COL4A1: variants seen among roughly 807,000 people sequenced by gnomAD.
COL4A1 encodes the protein collagen alpha-1(IV) chain.
A neutral mutation model predicts 216.6 loss-of-function variants in COL4A1; 40 were observed. That is an observed-to-expected ratio of 0.18 (90% CI 0.14 to 0.24). The LOEUF is 0.24. Among genes scored for constraint, COL4A1 ranks in the 10% least tolerant of loss-of-function variants. The probability of loss-of-function intolerance (pLI) is 1.00; values close to 1 mark genes in which losing one functional copy is unlikely to be tolerated. For missense variants in COL4A1, 1,628 were observed against 2,196.8 expected, an observed-to-expected ratio of 0.74 and a Z score of 5.18; for synonymous variants, 839 against 810.7, an observed-to-expected ratio of 1.03 and a Z score of -0.59.
At chr13:110,215,888 C>T (rs1207532190) in intron 2 of COL4A1, among the ~76,000 whole-genome samples, 1 of 152,320 alleles carries the variant, frequency 6.6e-6, no homozygotes, top group African/African-American at 2.4e-5. Flanking sequence ...TAACTGCCTG[C>T]TCCATTTTTA....
At chr13:110,224,213 G>C (rs368926011) in intron 2 of COL4A1, among the ~76,000 whole-genome samples, 1 of 145,712 alleles carries the variant, frequency 6.9e-6, no homozygotes, top group African/African-American at 2.5e-5. Context: ...ACAATTCTAG[G>C]TCATGACTTA....
chr13:110,234,485 G>C (rs1449319600), intron 2 of COL4A1, among the ~76,000 whole-genome samples: 1 of 152,150 alleles, frequency 6.6e-6, no homozygotes, highest in African/African-American at 2.4e-5. Flanking sequence ...GGGAGGCTGA[G>C]GCGTGAGAAT....
intron 46 of COL4A1, among the ~76,000 whole-genome samples, chr13:110,163,895 T>A (rs978562682): frequency 6.6e-6 from 1 of 151,932 alleles, no homozygotes; most frequent in Non-Finnish European, 1.5e-5. Flanking sequence ...TATACTGGGG[T>A]CTCAATTTTT....
rs546879952 is a variant in COL4A1, at chr13:110,286,820, G to C, written c.84+20124C>G. On this transcript the variant is annotated intron_variant, in intron 1 of 51. Transcript: ENST00000375820. ...ATGCTCACTTTTCCCAAGTCCACAC[G>C]ATAAACAGTGTGTGCTTCTGACTGT... 2.0e-5 allele frequency among the ~76,000 whole-genome samples: 3 copies of C among 152,310 alleles called. No homozygotes were observed. The South Asian group carries it at 6.2e-4, about 32-fold the overall frequency.
intron 42 of COL4A1, among the ~76,000 whole-genome samples, chr13:110,170,133 G>GAAGGAAGGAAGGAAA (rs1566346649): frequency 9.3e-5 from 6 of 64,474 alleles, no homozygotes; most frequent in Middle Eastern, 7.0e-3. Context: ...AAGGAAGGAA[G>GAAGGAAGGAAGGAAA]GAAGGAAGGA....
chr13:110,241,139 G>A (rs978411171), intron 2 of COL4A1, among the ~76,000 whole-genome samples: 2 of 152,196 alleles, frequency 1.3e-5, no homozygotes, highest in Non-Finnish European at 2.9e-5. Flanking sequence ...CAAACTGCTA[G>A]GATTACAGGC....
chr13:110,205,930 A>T (rs916279088), intron 15 of COL4A1, among the ~76,000 whole-genome samples: 4 of 152,170 alleles, frequency 2.6e-5, no homozygotes, highest in Admixed American at 2.6e-4. Flanking sequence ...AGATAGCTTA[A>T]TATGTTGTCT....
chr13:110,220,735 G>C (rs1232477672), intron 2 of COL4A1, among the ~76,000 whole-genome samples: 3 of 152,160 alleles, frequency 2.0e-5, no homozygotes, highest in Non-Finnish European at 4.4e-5. Flanking sequence ...GCCGATGATG[G>C]AGATGAGCAA....
intron 1 of COL4A1, among the ~76,000 whole-genome samples, chr13:110,256,630 T>C (rs913358950): frequency 3.3e-5 from 5 of 152,064 alleles, no homozygotes; most frequent in African/African-American, 1.2e-4. Flanking sequence ...TTAAAGAGGG[T>C]TGAAGCCCTG....
intron 1 of COL4A1, among the ~76,000 whole-genome samples, chr13:110,288,250 G>A (rs890663499): frequency 2.1e-5 from 3 of 142,628 alleles, no homozygotes; most frequent in South Asian, 2.3e-4. Context: ...AAACAAGAGC[G>A]AAACTCCCTC....
intron 21 of COL4A1, among the ~76,000 whole-genome samples, chr13:110,196,827 T>C (rs1878914108): frequency 6.6e-6 from 1 of 152,196 alleles, no homozygotes; most frequent in Non-Finnish European, 1.5e-5. Context: ...CATTGTGTGG[T>C]TAATGCTCTA....
chr13:110,176,488 A>G lies in COL4A1; in HGVS notation c.2994T>C (p.Ser998=), dbSNP rs1323519981. The G allele has an allele frequency of 7.4e-6, 12 of 1,613,972 alleles. No individual in the cohort carries two copies. The highest frequency in any genetic ancestry group is 1.0e-5 in the Non-Finnish European group (12 of 1,179,826). ...GAAGTCCTGGAGCACCTGGGGTTCC[A>G]CTTATACCTGGATCACCTTTAGGTC... is the stretch of plus-strand genomic sequence containing the variant. The part of the protein sequence containing the change: ...QPGPKGDPGI[S]GTPGAPGLPG... The change falls in exon 36 of 52, where the codon AGT becomes AGC. Residue 998 remains serine (S), a synonymous_variant. Transcript: ENST00000375820.
chr13:110,224,702 T>G (rs1174645981), intron 2 of COL4A1, among the ~76,000 whole-genome samples: 2 of 152,210 alleles, frequency 1.3e-5, no homozygotes, highest in African/African-American at 2.4e-5. Flanking sequence ...GAAAGACATG[T>G]TCTACATTAA....
intron 50 of COL4A1, 83 bp downstream of exon 50, chr13:110,155,200 G>C: frequency 1.0e-6 from 1 of 963,090 alleles, no homozygotes. Context: ...AGAACTCCAA[G>C]GTGTGGAGGC....
intron 2 of COL4A1, among the ~76,000 whole-genome samples, chr13:110,228,426 G>A (rs1420611884): frequency 6.6e-6 from 1 of 152,132 alleles, no homozygotes; most frequent in African/African-American, 2.4e-5. Flanking sequence ...CCCACTTCTG[G>A]CCCGTCGCAC....
intron 6 of COL4A1, 68 bp downstream of exon 6, chr13:110,212,349 C>T (rs1308286204): frequency 5.1e-6 from 8 of 1,573,382 alleles, no homozygotes; most frequent in Non-Finnish European, 7.0e-6. Context: ...AATCACACTA[C>T]CTGACTCCTT....
Position 110,211,881 on chromosome 13 carries a change from G to C in COL4A1, c.429C>G (p.Phe143Leu), listed in dbSNP as rs774650505. 1 of 1,614,074 alleles carries C rather than the reference G, an allele frequency of 6.2e-7. No individual in the cohort carries two copies. Among genetic ancestry groups the C allele is most frequent in the South Asian group, 1.1e-5 (1 of 91,074 alleles). The change falls in exon 7 of 52, where the codon TTC becomes TTG. Residue 143 changes from phenylalanine to leucine, a missense_variant. By Grantham distance (22) the Phe-to-Leu change is conservative. Transcript: ENST00000375820. The surrounding 1 kb of genome is among the most constrained non-coding windows in gnomAD (Gnocchi z 4.3). ...GPLGPPGLPG[F>L]AGNPGPPGLP... Reference sequence around the variant, plus strand: ...AACCTCTACTCACGGGATTTCCAGCGAAACCAGGCAAGCCAGGAGGCCCGA... The same window carrying C: ...AACCTCTACTCACGGGATTTCCAGCCAAACCAGGCAAGCCAGGAGGCCCGA...
chr13:110,270,624 T>C (rs1594106292), intron 1 of COL4A1, among the ~76,000 whole-genome samples: 1 of 151,872 alleles, frequency 6.6e-6, no homozygotes, highest in Admixed American at 6.6e-5. Flanking sequence ...GGGAACGAGG[T>C]CTCTGACCTC....
chr13:110,220,760 T>C (rs1267170170), intron 2 of COL4A1, among the ~76,000 whole-genome samples: 1 of 152,088 alleles, frequency 6.6e-6, no homozygotes, highest in Non-Finnish European at 1.5e-5. Context: ...GTGTGAAGAA[T>C]GGGAGAGAAC....
Sources: allele counts gnomAD v4.1 joint callset (sites outside exome capture counted in the v4.1 genomes callset), GRCh38; gene constraint gnomAD v4.1.1; non-coding constraint Gnocchi (gnomAD v3.1); transcripts MANE v1.5; gene names NCBI Gene and HGNC (gene_info 2026-07-23, HGNC 2026-07-21).